INAVA: variants seen among roughly 807,000 people sequenced by gnomAD.
INAVA encodes innate immunity activator protein.
In INAVA, 32 loss-of-function variants were observed where a neutral mutation model predicts 55.3. That is an observed-to-expected ratio of 0.58 (90% CI 0.44 to 0.78). The LOEUF is 0.78. INAVA is among the 30% of genes least tolerant of loss of function. INAVA has a pLI of 0.00. For synonymous variants in INAVA, 294 were observed against 329.4 expected (o/e 0.89, Z 1.16); for missense variants, 756 against 786.4 (o/e 0.96, Z 0.46).
At chr1:200,900,278 C>T (rs750897915) in intron 4 of INAVA, 58 bp downstream of exon 4, 90 of 1,446,628 alleles carry the variant, frequency 6.2e-5, no homozygotes, top group African/African-American at 1.3e-4. Context: ...ATCACTGAGA[C>T]GCCACACCTC....
intron 5 of INAVA, among the ~76,000 whole-genome samples, chr1:200,903,659 C>G (rs1372767512): frequency 6.6e-6 from 1 of 151,708 alleles, no homozygotes; most frequent in African/African-American, 2.4e-5. Flanking sequence ...ACAAAATTAG[C>G]CAGGCATGGT....
chr1:200,900,115 C>T lies in INAVA; in HGVS notation c.192C>T (p.Gly64=). 2 of 1,612,756 alleles carry T rather than the reference C, an allele frequency of 1.2e-6. No homozygotes were observed. Among genetic ancestry groups the T allele is most frequent in the Non-Finnish European group, 1.7e-6 (2 of 1,179,316 alleles). Residue 64 remains glycine, a synonymous_variant, in exon 4 of 10, where the codon GGC becomes GGT. Coordinates refer to ENST00000413687, the MANE Select transcript of INAVA (RefSeq NM_001142569.3). Reference sequence around the variant, plus strand: ...TGCTTCCTCCCCAGGAGCTGACGGGCACCTTGCCAGCGGAGTATCCCCTCA... The same window carrying T: ...TGCTTCCTCCCCAGGAGCTGACGGGTACCTTGCCAGCGGAGTATCCCCTCA... ...RLCLREAELT[G]TLPAEYPLKP...
rs1653827572 is a variant in INAVA, at chr1:200,913,399, G to C, written c.1645-138G>C. 19 of 656,988 alleles carry C rather than the reference G, an allele frequency of 2.9e-5. No individual in the cohort carries two copies. In the South Asian group the frequency reaches 3.2e-4, roughly 11 times the overall value. The allele number at this position is 656,988 out of a possible 1,614,324, so 40.7% of individuals were successfully genotyped here. A position where few individuals can be genotyped will look rare whatever the true frequency, so the allele number is the denominator to read the frequency against. ...GAGAGCATCCTGGGAGGAAGGGGCT[G>C]AGTGCCAGGGCCTGCTGCTGCTGCT... On this transcript the variant is annotated intron_variant, in intron 9 of 9. Transcript: ENST00000413687.
intron 1 of INAVA, 55 bp from the exon 2 acceptor site, chr1:200,898,251 TA>T (rs1330523265): frequency 8.9e-6 from 14 of 1,571,956 alleles, no homozygotes; most frequent in Non-Finnish European, 1.2e-5. Context: ...CAGCTTTTTG[TA>T]ACCAAGATGG....
At chr1:200,895,195 C>A in intron 1 of INAVA, 108 bp downstream of exon 1, 1 of 880,576 alleles carries the variant, frequency 1.1e-6, no homozygotes, top group Non-Finnish European at 1.4e-6. Flanking sequence ...CCACCCCCGC[C>A]AGCCTATGTC....
chr1:200,894,756 G>A (rs1318419203), upstream of INAVA: 3 of 983,456 alleles, frequency 3.1e-6, no homozygotes, highest in Middle Eastern at 5.2e-4. Context: ...CTTTTTCCCT[G>A]CTACCCTCCT....
At chr1:200,891,874 A>T (rs1180293448), upstream of INAVA, among the ~76,000 whole-genome samples, 1 of 152,190 alleles carries the variant, frequency 6.6e-6, no homozygotes, top group Non-Finnish European at 1.5e-5. Context: ...CCAGTCCCTC[A>T]ACCTTTCTCC....
At chr1:200,913,140 G>A (rs1194800811) in intron 9 of INAVA, among the ~76,000 whole-genome samples, 1 of 152,186 alleles carries the variant, frequency 6.6e-6, no homozygotes, top group African/African-American at 2.4e-5. Flanking sequence ...GGCATCCTGG[G>A]CCTGGCAGCA....
At chr1:200,899,667 C>T (rs939062136) in intron 3 of INAVA, 70 bp downstream of exon 3, 36 of 1,566,934 alleles carry the variant, frequency 2.3e-5, no homozygotes, top group South Asian at 5.8e-5. Context: ...TGTGGGGATG[C>T]GGGAGCTGGG....
At position 200,911,539 on chromosome 1, in the gene INAVA, C is replaced by T; in HGVS notation, c.1046C>T (p.Pro349Leu). 1 of 1,613,804 alleles carries T rather than the reference C, an allele frequency of 6.2e-7. No homozygotes were observed. The highest frequency in any genetic ancestry group is 8.5e-7 in the Non-Finnish European group (1 of 1,179,960). ...RRPTHYTVTV[P>L]DSCFPATKPP... ...CCCACTCACTACACGGTGACAGTGC[C>T]AGATTCCTGCTTTCCCGCGACCAAG... The change falls in exon 9 of 10, where the codon CCA (proline) becomes CTA (leucine). Residue 349 changes from proline to leucine, a missense_variant. Physicochemically the swap from Pro to Leu is moderately conservative, Grantham distance 98. This residue lies in a region of INAVA where 639 missense variants were observed against 624.3 expected (regional missense o/e 1.02). Coordinates refer to ENST00000413687, the MANE Select transcript of INAVA (RefSeq NM_001142569.3).
chr1:200,894,641 G>A (rs901469829), upstream of INAVA, among the ~76,000 whole-genome samples: 1 of 152,134 alleles, frequency 6.6e-6, no homozygotes, highest in Non-Finnish European at 1.5e-5. Flanking sequence ...GGACAGGAGG[G>A]CACGCAGGTA....
At chr1:200,899,184 G>T (rs572189550) in intron 2 of INAVA, among the ~76,000 whole-genome samples, 6 of 151,904 alleles carry the variant, frequency 3.9e-5, no homozygotes, top group South Asian at 2.1e-4. Context: ...GAGGAGGAGT[G>T]GGGGGAGGAC....
At chr1:200,903,998 A>AG (rs1441423581) in intron 5 of INAVA, among the ~76,000 whole-genome samples, 1 of 152,052 alleles carries the variant, frequency 6.6e-6, no homozygotes, top group Non-Finnish European at 1.5e-5. Flanking sequence ...GAACCGCATG[A>AG]GGGCCACCCA....
At chr1:200,907,749 C>A in intron 5 of INAVA, 85 bp from the exon 6 acceptor site, 1 of 1,114,150 alleles carries the variant, frequency 9.0e-7, no homozygotes, top group African/African-American at 1.5e-5. Flanking sequence ...GTGATCAGGC[C>A]TGAGCTGCTC....
chr1:200,896,496 G>A (rs2102300207), intron 1 of INAVA, among the ~76,000 whole-genome samples: 1 of 152,148 alleles, frequency 6.6e-6, no homozygotes, highest in African/African-American at 2.4e-5. Flanking sequence ...CAGAATATAT[G>A]GCCAATCTTT....
rs760145676 is a variant in INAVA at position 200,905,240 on chromosome 1, A to AT, written c.521-2588dup. Among the ~76,000 whole-genome samples the AT allele has an allele frequency of 9.9e-5, 15 of 152,152 alleles. No homozygotes were observed. The East Asian group carries it at 2.9e-3, about 29-fold the overall frequency. On this transcript the variant is annotated intron_variant, in intron 5 of 9. Transcript: ENST00000413687. ...AATCTACTGCCTGCTCTGGGTAAAG[A>AT]TTTTTTCATTAAATTGCGGAGCAGG...
At chr1:200,906,137 A>G (rs1297762079) in intron 5 of INAVA, 2 of 152,246 alleles carry the variant, frequency 1.3e-5, no homozygotes, top group African/African-American at 2.4e-5. Context: ...AACATTAGCA[A>G]TTATTACTTT....
upstream of INAVA, among the ~76,000 whole-genome samples, chr1:200,893,825 C>T (rs1397080482): frequency 2.6e-5 from 4 of 151,882 alleles, no homozygotes; most frequent in Admixed American, 2.0e-4. Context: ...CAAACTTCCT[C>T]TGTCATCCCT....
At chr1:200,892,590 T>G (rs976794517), upstream of INAVA, among the ~76,000 whole-genome samples, 9 of 152,098 alleles carry the variant, frequency 5.9e-5, no homozygotes, top group Non-Finnish European at 1.2e-4. Context: ...AAATACCACT[T>G]CCTCACCAAC....
Sources: allele counts gnomAD v4.1 joint callset (sites outside exome capture counted in the v4.1 genomes callset), GRCh38; gene constraint gnomAD v4.1.1; regional missense constraint gnomAD v4.1.1; transcripts MANE v1.5; gene names NCBI Gene and HGNC (gene_info 2026-07-23, HGNC 2026-07-21).